The following GPR158 variants were observed in gnomAD, a reference collection of about 807,000 sequenced individuals.
The protein encoded by GPR158 is G protein-coupled receptor 158, also known as metabotropic glycine receptor.
GPR158 carries 30 observed loss-of-function variants against 78.2 expected under a neutral mutation model. That is an observed-to-expected ratio of 0.38 (90% CI 0.29 to 0.52). The LOEUF is 0.52. GPR158 is among the 20% of genes least tolerant of loss of function. GPR158 has a pLI of 0.83. For missense variants in GPR158, 1,463 were observed against 1,523.5 expected (o/e 0.96, Z 0.66); for synonymous variants, 581 against 591.1 (o/e 0.98, Z 0.25).
At chr10:25,430,315 G>A (rs1834882721) in intron 4 of GPR158, among the ~76,000 whole-genome samples, 1 of 150,722 alleles carries the variant, frequency 6.6e-6, no homozygotes, top group Admixed American at 6.6e-5. Flanking sequence ...GGATGTGAAG[G>A]ACCTCTTCAA....
intron 2 of GPR158, among the ~76,000 whole-genome samples, chr10:25,264,188 T>C (rs1235135142): frequency 6.6e-6 from 1 of 152,196 alleles, no homozygotes; most frequent in African/African-American, 2.4e-5. Flanking sequence ...GTACGTTGAA[T>C]CTGCACTGGC....
intron 2 of GPR158, among the ~76,000 whole-genome samples, chr10:25,301,759 G>A (rs781251325): frequency 1.1e-4 from 16 of 152,082 alleles, no homozygotes; most frequent in South Asian, 6.2e-4. Context: ...GATAGTTTAC[G>A]TATAATGAAA....
chr10:25,500,169 T>G (rs980857158), intron 5 of GPR158, among the ~76,000 whole-genome samples: 2 of 152,258 alleles, frequency 1.3e-5, no homozygotes, highest in Non-Finnish European at 2.9e-5. Flanking sequence ...CAGAGGAAGA[T>G]ACGACAGATG....
intron 2 of GPR158, among the ~76,000 whole-genome samples, chr10:25,302,697 G>C (rs1854617090): frequency 6.6e-6 from 1 of 152,098 alleles, no homozygotes; most frequent in Non-Finnish European, 1.5e-5. Flanking sequence ...TAGCTTGCGA[G>C]CCATACAAAA....
At chr10:25,455,296 A>T (rs1054501673) in intron 4 of GPR158, among the ~76,000 whole-genome samples, 1 of 152,214 alleles carries the variant, frequency 6.6e-6, no homozygotes, top group Non-Finnish European at 1.5e-5. Context: ...AGAAAGTTTC[A>T]AAAAGCTTGT....
chr10:25,349,328 T>G (rs1588815444), intron 2 of GPR158, among the ~76,000 whole-genome samples: 1 of 151,950 alleles, frequency 6.6e-6, no homozygotes, highest in Admixed American at 6.6e-5. Context: ...AGGTAGACAA[T>G]GTAGGCTCAA....
At chr10:25,355,199 T>TTGAAGATAAATTTTTAATATCTTA (rs368547326) in intron 2 of GPR158, among the ~76,000 whole-genome samples, 15,113 of 151,964 alleles carry the variant, frequency 0.099, 1,864 homozygotes, top group African/African-American at 0.3. Context: ...GCATTGGTCT[T>TTGAAGATAAATTTTTAATATCTTA]TAGGTAATCT....
intron 2 of GPR158, among the ~76,000 whole-genome samples, chr10:25,296,167 G>A (rs1237731373): frequency 6.6e-6 from 1 of 151,876 alleles, no homozygotes; most frequent in African/African-American, 2.4e-5. Flanking sequence ...CTCTCACCTC[G>A]AGGCAAGGAA....
rs570759501 is a variant in GPR158 at position 25,214,323 on chromosome 10, A to T, written c.903-6729A>T. Among the ~76,000 whole-genome samples the T allele has an allele frequency of 3.3e-4, 50 of 152,242 alleles. No individual in the cohort carries two copies. In the East Asian group the frequency reaches 3.3e-3, roughly 10 times the overall value. ...CTCCCTTATTTATTTACTTATTTTTAAAAAAACTAGTTTTCTATAACTAGA... is the reference window on the plus strand; with the variant it reads ...CTCCCTTATTTATTTACTTATTTTTTAAAAAACTAGTTTTCTATAACTAGA... On this transcript the variant is annotated intron_variant, in intron 1 of 10. Coordinates refer to ENST00000376351, the MANE Select transcript of GPR158 (RefSeq NM_020752.3).
At chr10:25,527,100 A>G (rs1287574881) in intron 5 of GPR158, among the ~76,000 whole-genome samples, 1 of 107,990 alleles carries the variant, frequency 9.3e-6, no homozygotes, top group Admixed American at 8.7e-5. Flanking sequence ...TGACAATTCT[A>G]AACATATATG....
intron 5 of GPR158, among the ~76,000 whole-genome samples, chr10:25,495,295 CTTTTT>C (rs71399976): frequency 2.2e-5 from 2 of 91,094 alleles, no homozygotes; most frequent in African/African-American, 8.7e-5. Flanking sequence ...TTCTTTTCTG[CTTTTT>C]TTTTTTTTTT....
At chr10:25,263,696 G>A (rs1854000292) in intron 2 of GPR158, among the ~76,000 whole-genome samples, 1 of 152,096 alleles carries the variant, frequency 6.6e-6, no homozygotes, top group Non-Finnish European at 1.5e-5. Flanking sequence ...CAGCACTTTG[G>A]GAGGCTGAAG....
intron 4 of GPR158, among the ~76,000 whole-genome samples, chr10:25,433,534 G>GTGTT (rs1554803591): frequency 7.6e-5 from 3 of 39,512 alleles, no homozygotes; most frequent in Non-Finnish European, 2.3e-4. Flanking sequence ...AGTTAGGGGT[G>GTGTT]TGTGTGTGTG....
intron 5 of GPR158, among the ~76,000 whole-genome samples, chr10:25,487,446 C>T (rs116289063): frequency 2.1e-3 from 319 of 152,274 alleles, no homozygotes; most frequent in African/African-American, 7.1e-3. Flanking sequence ...CTCATTCCCA[C>T]GATGCCAGCC....
chr10:25,483,072 A>C, intron 5 of GPR158, among the ~76,000 whole-genome samples: 1 of 150,470 alleles, frequency 6.6e-6, no homozygotes. Context: ...TATTAAAACA[A>C]CCCGTTAACT....
chr10:25,411,674 A>G (rs7090972), intron 3 of GPR158, among the ~76,000 whole-genome samples: 14,447 of 152,052 alleles, frequency 0.095, 779 homozygotes, highest in East Asian at 0.17. Context: ...GGTGGCTCAC[A>G]CCTATAATCC....
intron 1 of GPR158, among the ~76,000 whole-genome samples, chr10:25,206,278 C>T (rs369061135): frequency 1.6e-4 from 24 of 152,214 alleles, no homozygotes; most frequent in East Asian, 1.2e-3. Context: ...TGAGCCACCG[C>T]GCCCGGCCCA....
chr10:25,408,446 A>C (rs1206010185), intron 3 of GPR158, among the ~76,000 whole-genome samples: 1 of 152,140 alleles, frequency 6.6e-6, no homozygotes, highest in Admixed American at 6.5e-5. Flanking sequence ...CTTGTCCAGA[A>C]GGGGGAAATC....
At position 25,175,519 on chromosome 10, in the gene GPR158, T is replaced by C; in HGVS notation, c.99T>C (p.Asp33=). The stretch of plus-strand genomic sequence containing the variant: ...GCCGCGACCCCCAAGGACGGCCGGA[T>C]TCCCCTCGAGAGAGGACCCCGAAGG... ...GASRDPQGRP[D]SPRERTPKGK... Residue 33 remains aspartate (D), a synonymous_variant, in exon 1 of 11, where the codon GAT becomes GAC. Coordinates refer to ENST00000376351, the MANE Select transcript of GPR158 (RefSeq NM_020752.3). This position sits in a 1 kb window ranked among gnomAD's most constrained non-coding sequence, Gnocchi z 6.4. 6.2e-7 allele frequency: 1 copy of C among 1,612,312 alleles called. No individual in the cohort carries two copies. The highest frequency in any genetic ancestry group is 8.5e-7 in the Non-Finnish European group (1 of 1,179,832).
Sources: gnomAD v4.1 joint callset for allele counts (sites outside exome capture counted in the v4.1 genomes callset) on GRCh38, gnomAD v4.1.1 for gene constraint, Gnocchi (gnomAD v3.1) non-coding constraint, MANE v1.5 for transcripts, NCBI Gene and HGNC (gene_info 2026-07-23, HGNC 2026-07-21) for gene names.